Variants in SMOC2 observed in about 807,000 individuals in gnomAD.
SMOC2 encodes the protein SPARC-related modular calcium-binding protein 2.
In SMOC2, 39 loss-of-function variants were observed where a neutral mutation model predicts 61.4. The ratio of observed to expected loss-of-function variants is 0.64; its 90% CI spans 0.49 to 0.83. The LOEUF (loss-of-function observed/expected upper bound fraction) is 0.83. Among genes scored for constraint, SMOC2 ranks in the 40% least tolerant of loss-of-function variants. SMOC2 has a pLI of 0.00. For synonymous variants in SMOC2, 247 were observed against 239.9 expected (o/e 1.03, Z -0.27); for missense variants, 556 against 592.9 (o/e 0.94, Z 0.65).
intron 11 of SMOC2, among the ~76,000 whole-genome samples, chr6:168,660,354 G>A (rs182141618): frequency 3.0e-3 from 450 of 152,286 alleles, no homozygotes; most frequent in African/African-American, 0.01. Context: ...GGACTGGTCC[G>A]CATTGCTCTC....
chr6:168,464,019 C>T (rs1444969590), intron 1 of SMOC2, among the ~76,000 whole-genome samples: 3 of 151,862 alleles, frequency 2.0e-5, no homozygotes, highest in Middle Eastern at 3.2e-3. Context: ...GGTGAATCCC[C>T]GTCTCTACTA....
At chr6:168,508,319 T>G (rs1782923422) in intron 1 of SMOC2, among the ~76,000 whole-genome samples, 1 of 152,176 alleles carries the variant, frequency 6.6e-6, no homozygotes, top group African/African-American at 2.4e-5. Context: ...CTGCAAAACT[T>G]GGGTCAAGAT....
At chr6:168,476,008 G>A (rs370001598) in intron 1 of SMOC2, among the ~76,000 whole-genome samples, 2 of 152,074 alleles carry the variant, frequency 1.3e-5, no homozygotes, top group Non-Finnish European at 2.9e-5. Flanking sequence ...GAACCATTCC[G>A]GTCTCACAGG....
At chr6:168,585,016 G>C (rs1785017496) in intron 7 of SMOC2, among the ~76,000 whole-genome samples, 1 of 152,106 alleles carries the variant, frequency 6.6e-6, no homozygotes, top group Non-Finnish European at 1.5e-5. Flanking sequence ...GGAGTGCAGT[G>C]GTGTGATCAC....
chr6:168,459,741 C>T (rs1781678189), intron 1 of SMOC2, among the ~76,000 whole-genome samples: 1 of 141,568 alleles, frequency 7.1e-6, no homozygotes, highest in South Asian at 2.3e-4. Context: ...AGTGGGTGGG[C>T]CTTGTGGTGG....
At chr6:168,580,869 T>G (rs932818900) in intron 7 of SMOC2, among the ~76,000 whole-genome samples, 1 of 152,238 alleles carries the variant, frequency 6.6e-6, no homozygotes, top group African/African-American at 2.4e-5. Flanking sequence ...AAAACACAGT[T>G]TTAATGCTGT....
intron 7 of SMOC2, among the ~76,000 whole-genome samples, chr6:168,555,418 A>AC (rs11373133): frequency 0.77 from 116,960 of 151,984 alleles, 45,941 homozygotes; most frequent in African/African-American, 0.94. Context: ...CGCAGCTCCC[A>AC]CCATCAAGCT....
intron 8 of SMOC2, among the ~76,000 whole-genome samples, chr6:168,602,141 C>A (rs553780152): frequency 6.6e-6 from 1 of 152,168 alleles, no homozygotes; most frequent in East Asian, 1.9e-4. Context: ...ACCTCTCCTG[C>A]GGTTTACACT....
chr6:168,632,462 T>C (rs770058281), intron 9 of SMOC2, among the ~76,000 whole-genome samples: 1 of 152,244 alleles, frequency 6.6e-6, no homozygotes, highest in Non-Finnish European at 1.5e-5. Context: ...GGAGAGTTGA[T>C]GAAATTATCT....
chr6:168,548,838 A>G (rs551131599), intron 6 of SMOC2, among the ~76,000 whole-genome samples: 2 of 152,320 alleles, frequency 1.3e-5, no homozygotes, highest in African/African-American at 4.8e-5. Context: ...ATTTTTGTAC[A>G]CTGGGTATTT....
rs527323571 is a variant in SMOC2 at position 168,643,678 on chromosome 6, G to A, written c.908-7003G>A. Among the ~76,000 whole-genome samples the A allele has an allele frequency of 6.6e-5, 10 of 152,268 alleles. No individual in the cohort carries two copies. In the East Asian group the frequency reaches 9.7e-4, roughly 15 times the overall value. On this transcript the variant is annotated intron_variant, in intron 9 of 12. Coordinates refer to ENST00000356284, the MANE Select transcript of SMOC2 (RefSeq NM_001166412.2). ...AGCGGGGAGAGCTCCAGGTGAGCTCGGCACAAAATCACCTGGACGTAGGAT... is the reference window on the plus strand; with the variant it reads ...AGCGGGGAGAGCTCCAGGTGAGCTCAGCACAAAATCACCTGGACGTAGGAT...
intron 9 of SMOC2, among the ~76,000 whole-genome samples, chr6:168,636,865 C>T (rs966311627): frequency 1.5e-5 from 2 of 135,506 alleles, no homozygotes; most frequent in Admixed American, 1.5e-4. Context: ...CCTCCTCCCG[C>T]CTCCCTCCTC....
intron 7 of SMOC2, among the ~76,000 whole-genome samples, chr6:168,570,825 G>T (rs1016797530): frequency 6.6e-6 from 1 of 152,166 alleles, no homozygotes; most frequent in East Asian, 1.9e-4. Context: ...TTATTTTCAG[G>T]TACATCTCTA....
At chr6:168,579,172 C>T (rs773194906) in intron 7 of SMOC2, among the ~76,000 whole-genome samples, 11 of 152,224 alleles carry the variant, frequency 7.2e-5, no homozygotes, top group Non-Finnish European at 1.0e-4. Flanking sequence ...CTGTTCCCCT[C>T]GGGGTGGGCA....
At chr6:168,498,885 G>T (rs925113883) in intron 1 of SMOC2, among the ~76,000 whole-genome samples, 1 of 132,310 alleles carries the variant, frequency 7.6e-6, no homozygotes, top group South Asian at 2.4e-4. Context: ...CACAGTCTCT[G>T]GGGGGACAGC....
intron 1 of SMOC2, among the ~76,000 whole-genome samples, chr6:168,444,560 C>T (rs916961439): frequency 6.6e-6 from 1 of 152,054 alleles, no homozygotes; most frequent in Admixed American, 6.5e-5. Context: ...TTGCTCAGAC[C>T]CTCTCACCTC....
intron 4 of SMOC2, among the ~76,000 whole-genome samples, chr6:168,536,582 C>T (rs760658320): frequency 5.9e-5 from 9 of 152,086 alleles, no homozygotes; most frequent in Non-Finnish European, 1.3e-4. Context: ...ATTATTTGAC[C>T]ATGGGCACTC....
At chr6:168,575,743 CT>C (rs1784787394) in intron 7 of SMOC2, among the ~76,000 whole-genome samples, 1 of 152,360 alleles carries the variant, frequency 6.6e-6, no homozygotes, top group African/African-American at 2.4e-5. Flanking sequence ...AGCTATACCC[CT>C]GGCTCTGTCT....
intron 1 of SMOC2, among the ~76,000 whole-genome samples, chr6:168,464,202 AG>A (rs1214392761): frequency 8.0e-5 from 12 of 149,350 alleles, no homozygotes; most frequent in East Asian, 5.9e-4. Context: ...AAAAAAAAAA[AG>A]AGGAAGGAAG....
Sources: gnomAD v4.1 joint callset for allele counts (sites outside exome capture counted in the v4.1 genomes callset) on GRCh38, gnomAD v4.1.1 for gene constraint, MANE v1.5 for transcripts, NCBI Gene and HGNC (gene_info 2026-07-23, HGNC 2026-07-21) for gene names.